STYX: variants seen among roughly 807,000 people sequenced by gnomAD.
The protein encoded by STYX is serine/threonine/tyrosine interacting protein.
A neutral mutation model predicts 42.7 loss-of-function variants in STYX; 20 were observed. The observed-to-expected ratio is 0.47, with a 90% CI of 0.33 to 0.68. STYX has a LOEUF of 0.68. Ranked by LOEUF, STYX falls within the 30% of genes least tolerant of loss-of-function variation. STYX has a pLI of 0.02. For missense variants in STYX, 226 were observed against 268.5 expected (o/e 0.84, Z 1.11); for synonymous variants, 78 against 81.9 (o/e 0.95, Z 0.26).
Position 52,773,655 on chromosome 14 carries a change from A to G in STYX, c.*2549A>G, listed in dbSNP as rs1276473709. ...GCCTGGCTGAGTACAATATTAATGT[A>G]GACAAACCATGAAGTTTATTATTTC... On this transcript the variant is annotated 3_prime_UTR_variant, in exon 11 of 11. Transcript: ENST00000354586. The G allele has an allele frequency of 6.6e-6, 1 of 152,034 alleles. No individual in the cohort carries two copies. Among genetic ancestry groups the G allele is most frequent in the Non-Finnish European group, 1.5e-5 (1 of 68,014 alleles). 9.4% of individuals were successfully genotyped at this position (152,034 alleles called of 1,614,324 possible).
At chr14:52,758,267 C>T (rs1302931793) in intron 8 of STYX, among the ~76,000 whole-genome samples, 2 of 152,068 alleles carry the variant, frequency 1.3e-5, no homozygotes, top group Non-Finnish European at 2.9e-5. Flanking sequence ...GAAAAATTAC[C>T]TAGGAATTGT....
intron 9 of STYX, among the ~76,000 whole-genome samples, chr14:52,768,338 C>T (rs1882387883): frequency 6.6e-6 from 1 of 152,156 alleles, no homozygotes; most frequent in South Asian, 2.1e-4. Flanking sequence ...TCTGTTTCTC[C>T]CTCTGTAAAG....
Position 52,771,258 on chromosome 14 carries a change from A to G in STYX, c.*152A>G. On this transcript the variant is annotated 3_prime_UTR_variant, in exon 11 of 11. Transcript: ENST00000354586. Reference sequence around the variant, plus strand: ...ACTTCTCTGCAACTTGTTGAGCAACATTTTAAGATGTTGGACTTCTGCAAT... The same window carrying G: ...ACTTCTCTGCAACTTGTTGAGCAACGTTTTAAGATGTTGGACTTCTGCAAT... 1.6e-6 allele frequency: 1 copy of G among 636,648 alleles called. No homozygotes were observed. Among genetic ancestry groups the G allele is most frequent in the South Asian group, 2.6e-5 (1 of 38,960 alleles). The allele number at this position is 636,648 out of a possible 1,614,324, so 39.4% of individuals were successfully genotyped here.
At chr14:52,736,471 A>G (rs761086050) in intron 1 of STYX, among the ~76,000 whole-genome samples, 3 of 152,170 alleles carry the variant, frequency 2.0e-5, no homozygotes, top group Non-Finnish European at 4.4e-5. Context: ...AGCTGGGGCT[A>G]TTGGTTTTAT....
intron 1 of STYX, among the ~76,000 whole-genome samples, chr14:52,735,943 T>G (rs1880929048): frequency 1.3e-5 from 2 of 152,250 alleles, no homozygotes; most frequent in South Asian, 4.1e-4. Context: ...GAATTTCCAT[T>G]GTTTTGAAGA....
intron 1 of STYX, among the ~76,000 whole-genome samples, chr14:52,741,206 G>A (rs1881175073): frequency 7.0e-6 from 1 of 142,438 alleles, no homozygotes. Flanking sequence ...GTGGATATAT[G>A]TTTTTATATA....
chr14:52,751,222 T>C lies in STYX; in HGVS notation c.242+442T>C, dbSNP rs139553255. 5.1e-3 allele frequency among the ~76,000 whole-genome samples: 777 copies of C among 152,224 alleles called. 6 individuals are homozygous for C. Among genetic ancestry groups the C allele is most frequent in the East Asian group, 0.044 (229 of 5,182 alleles). ...TTTTTACATTGGCTTTCTTTTTTAC[T>C]TTATATTTTTTGGAGATTGGTTTAT... On this transcript the variant is annotated intron_variant, in intron 4 of 10. Transcript: ENST00000354586.
intron 10 of STYX, 150 bp from the exon 11 acceptor site, chr14:52,770,883 A>G (rs1882484336): frequency 2.0e-6 from 1 of 508,196 alleles, no homozygotes; most frequent in Non-Finnish European, 3.4e-6. Flanking sequence ...TAGGTAATTT[A>G]TCACAAAGGA....
chr14:52,762,809 CCAGTTCT>C (rs1217701632), intron 9 of STYX, among the ~76,000 whole-genome samples: 3 of 150,540 alleles, frequency 2.0e-5, no homozygotes, highest in African/African-American at 7.3e-5. Context: ...TGACAATAGA[CCAGTTCT>C]CAGACAACAT....
At chr14:52,745,479 C>T (rs1566672104) in intron 2 of STYX, among the ~76,000 whole-genome samples, 1 of 152,154 alleles carries the variant, frequency 6.6e-6, no homozygotes, top group East Asian at 1.9e-4. Context: ...TGGATACTTT[C>T]TTTGTATTCC....
chr14:52,737,744 G>A (rs1881012911), intron 1 of STYX, among the ~76,000 whole-genome samples: 2 of 152,128 alleles, frequency 1.3e-5, no homozygotes, highest in Non-Finnish European at 2.9e-5. Context: ...AAGACTATGA[G>A]CATTCAGACT....
At chr14:52,751,096 A>T (rs1209351243) in intron 4 of STYX, among the ~76,000 whole-genome samples, 1 of 152,142 alleles carries the variant, frequency 6.6e-6, no homozygotes, top group Non-Finnish European at 1.5e-5. Flanking sequence ...TTGAGTATCT[A>T]GGGGATAGGT....
Position 52,730,437 on chromosome 14 carries a change from A to T in STYX, c.-38A>T. ...CCCGAGGGTCGGCCGGCTGTGTAAC[A>T]CTCTCCCACCCCACCCACCAGCCCG... On this transcript the variant is annotated 5_prime_UTR_variant, in exon 1 of 11. Coordinates refer to ENST00000354586, the MANE Select transcript of STYX (RefSeq NM_145251.4). The T allele has an allele frequency of 6.2e-7, 1 of 1,606,628 alleles. No individual in the cohort carries two copies.
In STYX at chr14:52,750,013, A is replaced by G. The variant is rs1881547700; in HGVS notation, c.145-670A>G. Among the ~76,000 whole-genome samples the G allele has an allele frequency of 2.6e-5, 4 of 152,228 alleles. No individual in the cohort carries two copies. The South Asian group carries it at 8.3e-4, about 31-fold the overall frequency. Reference sequence around the variant, plus strand: ...CCATCCCCAAGACATCTGAGTATGTATATGCAAATATTTCAAAATCTGAAA... The same window carrying G: ...CCATCCCCAAGACATCTGAGTATGTGTATGCAAATATTTCAAAATCTGAAA... On this transcript the variant is annotated intron_variant, in intron 3 of 10. Transcript: ENST00000354586.
chr14:52,763,081 C>T (rs770134765), intron 9 of STYX, among the ~76,000 whole-genome samples: 2 of 151,478 alleles, frequency 1.3e-5, no homozygotes, highest in East Asian at 3.9e-4. Context: ...TCAGTAGAGA[C>T]GAGGTTTCAC....
chr14:52,743,640 A>G (rs1321476616), intron 1 of STYX, among the ~76,000 whole-genome samples: 1 of 152,178 alleles, frequency 6.6e-6, no homozygotes, highest in Non-Finnish European at 1.5e-5. Flanking sequence ...TGAAGGGTAA[A>G]TGGAATTCCT....
chr14:52,747,320 A>G (rs867744765), intron 3 of STYX, among the ~76,000 whole-genome samples: 2 of 152,360 alleles, frequency 1.3e-5, no homozygotes, highest in Admixed American at 6.5e-5. Flanking sequence ...TACTTTGCCT[A>G]TTCAGAAGTC....
chr14:52,737,511 G>C (rs1881002021), intron 1 of STYX, among the ~76,000 whole-genome samples: 1 of 152,164 alleles, frequency 6.6e-6, no homozygotes, highest in Non-Finnish European at 1.5e-5. Flanking sequence ...TGGTTGAACT[G>C]CTTGGCTACT....
At chr14:52,762,858 T>TTTTCTTTC (rs10548917) in intron 9 of STYX, among the ~76,000 whole-genome samples, 1 of 81,634 alleles carries the variant, frequency 1.2e-5, no homozygotes, top group African/African-American at 4.7e-5. Context: ...TGATTTTTTC[T>TTTTCTTTC]TTTCTTTCTT....
Sources: gnomAD v4.1 joint callset for allele counts (sites outside exome capture counted in the v4.1 genomes callset) on GRCh38, gnomAD v4.1.1 for gene constraint, MANE v1.5 for transcripts, NCBI Gene and HGNC (gene_info 2026-07-23, HGNC 2026-07-21) for gene names.